The following PROM1 variants were observed in gnomAD, a reference collection of about 807,000 sequenced individuals.
PROM1 encodes prominin 1.
PROM1 carries 105 observed loss-of-function variants against 116.9 expected under a neutral mutation model. That is an observed-to-expected ratio of 0.90 (90% confidence interval 0.77 to 1.06). The LOEUF is 1.06. PROM1 is among the 50% of genes least tolerant of loss of function. The probability of loss-of-function intolerance (pLI) is 0.00; values close to 1 mark genes in which losing one functional copy is unlikely to be tolerated. For missense variants in PROM1, 1,122 were observed against 1,045.2 expected (o/e 1.07, Z -1.01); for synonymous variants, 393 against 387.0 (o/e 1.02, Z -0.18).
intron 23 of PROM1, among the ~76,000 whole-genome samples, chr4:15,982,957 C>T (rs1300077390): frequency 1.3e-5 from 2 of 152,184 alleles, no homozygotes; most frequent in Admixed American, 6.5e-5. Context: ...TAGGGATGAA[C>T]TGTGCCAGAG....
rs554711855 is a variant in PROM1 at position 15,982,754 on chromosome 4, T to C, written c.2373+1509A>G. ...GCTCTGGACTCCCCTAATGAAGGCT[T>C]CAGCCAAAGCTGGCGGCAGGGGCCA... On this transcript the variant is annotated intron_variant, in intron 23 of 27. Coordinates refer to ENST00000447510, the MANE Select transcript of PROM1 (RefSeq NM_006017.3). 9.7e-4 allele frequency among the ~76,000 whole-genome samples: 148 copies of C among 152,242 alleles called. 1 individual carries two copies. The highest frequency in any genetic ancestry group is 3.4e-3 in the African/African-American group (143 of 41,534).
intron 8 of PROM1, 60 bp from the exon 9 acceptor site, chr4:16,018,600 T>C: frequency 1.3e-6 from 2 of 1,482,662 alleles, no homozygotes; most frequent in South Asian, 2.4e-5. Context: ...TCTACAAAAG[T>C]GTGTCTAAAG....
At chr4:16,034,192 A>G (rs1482111742) in intron 4 of PROM1, among the ~76,000 whole-genome samples, 4 of 152,236 alleles carry the variant, frequency 2.6e-5, no homozygotes, top group Non-Finnish European at 5.9e-5. Flanking sequence ...TTAAAGATTC[A>G]AAGCACTTTG....
At chr4:15,988,586 A>C (rs13340235) in intron 19 of PROM1, among the ~76,000 whole-genome samples, 186 of 152,322 alleles carry the variant, frequency 1.2e-3, no homozygotes, top group African/African-American at 4.4e-3. Context: ...CAGGGTCCCT[A>C]GTTTGCCAAC....
chr4:16,075,621 A>C (rs1163467241), intron 2 of PROM1, 66 bp downstream of exon 2: 1 of 1,434,210 alleles, frequency 7.0e-7, no homozygotes, highest in East Asian at 2.5e-5. Context: ...TTGCATTGAC[A>C]TTAAAAAACA....
chr4:16,015,194 A>C (rs745333016), intron 10 of PROM1, among the ~76,000 whole-genome samples: 1 of 151,488 alleles, frequency 6.6e-6, no homozygotes, highest in Non-Finnish European at 1.5e-5. Flanking sequence ...AAAAATACAA[A>C]AATTAGCAGG....
rs189953160 is a variant in PROM1 at position 16,008,938 on chromosome 4, G to A, written c.1301+11C>T. 6.4e-7 allele frequency: 1 copy of A among 1,567,642 alleles called. No individual in the cohort carries two copies. Reference sequence around the variant, plus strand: ...ACTCTCGTAGTTCACCAGCTCCAAGGAGACACTCACCAGTATGAATCATAC... The same window carrying A: ...ACTCTCGTAGTTCACCAGCTCCAAGAAGACACTCACCAGTATGAATCATAC... On this transcript the variant is annotated intron_variant, in intron 12 of 27. Transcript: ENST00000447510.
At chr4:16,052,874 G>T (rs1260680486) in intron 2 of PROM1, among the ~76,000 whole-genome samples, 1 of 152,168 alleles carries the variant, frequency 6.6e-6, no homozygotes, top group Non-Finnish European at 1.5e-5. Context: ...GAAAAATCTG[G>T]AAGACACTAC....
At chr4:16,010,320 A>T (rs1055005376) in intron 11 of PROM1, among the ~76,000 whole-genome samples, 1 of 152,178 alleles carries the variant, frequency 6.6e-6, no homozygotes, top group Non-Finnish European at 1.5e-5. Context: ...TGACACGGAC[A>T]TACTAAGAAC....
At chr4:16,074,595 T>C (rs1031625812) in intron 2 of PROM1, among the ~76,000 whole-genome samples, 1 of 152,190 alleles carries the variant, frequency 6.6e-6, no homozygotes, top group Non-Finnish European at 1.5e-5. Context: ...CCAATAACCA[T>C]TCAAAGAGAT....
rs911801622 is a variant in PROM1, at chr4:16,008,823, A to G, written c.1301+126T>C. 9.2e-6 allele frequency: 8 copies of G among 870,912 alleles called. No homozygotes were observed. In the African/African-American group the frequency reaches 1.2e-4, roughly 13 times the overall value. The allele number at this position is 870,912 out of a possible 1,614,324, so 53.9% of individuals were successfully genotyped here. The stretch of plus-strand genomic sequence containing the variant: ...AATGAACATAAACTGGGGTTAACAT[A>G]TATCAGGTCATGGCCTCCTTGTACA... On this transcript the variant is annotated intron_variant, in intron 12 of 27. Transcript: ENST00000447510.
chr4:16,057,732 CTATTTA>C (rs754040704), intron 2 of PROM1, among the ~76,000 whole-genome samples: 3 of 152,066 alleles, frequency 2.0e-5, no homozygotes, highest in Non-Finnish European at 4.4e-5. Flanking sequence ...ATTTTTATTT[CTATTTA>C]TATCTACCTA....
At chr4:16,015,718 A>G (rs11722651) in intron 10 of PROM1, among the ~76,000 whole-genome samples, 78,440 of 151,702 alleles carry the variant, frequency 0.52, 23,079 homozygotes, top group Non-Finnish European at 0.68. Context: ...AAACAAAAAA[A>G]CAACTAAGTA....
Position 15,992,389 on chromosome 4 carries a change from A to G in PROM1, c.1770T>C (p.His590=), listed in dbSNP as rs1721286403. 1.2e-6 allele frequency: 2 copies of G among 1,611,930 alleles called. No individual in the cohort carries two copies. Among genetic ancestry groups the G allele is most frequent in the Non-Finnish European group, 8.5e-7 (1 of 1,178,830 alleles). Residue 590 remains histidine, a splice_region_variant and synonymous_variant, in exon 17 of 28, where the codon CAT becomes CAC. Transcript: ENST00000447510. The stretch of plus-strand genomic sequence containing the variant: ...CCAATTCACTGCTTATGCTTCCAGT[A>G]TGCTGCGAAAAAAGGAAGTTACAAA... ...NISEHLNINE[H]TGSISSELES...
At position 16,013,262 on chromosome 4, in the gene PROM1, CTG is replaced by C. The variant is rs775941560; in HGVS notation, c.1141+11_1141+12del. The C allele has an allele frequency of 1.9e-5, 30 of 1,592,638 alleles. No individual in the cohort carries two copies. In the Admixed American group the frequency reaches 4.5e-4, roughly 24 times the overall value. ...CTACCAATCACAAAATCACCTCAAA[CTG>C]TGAATCTCACCTGCTACGACAGTCG... On this transcript the variant is annotated intron_variant, in intron 11 of 27. Transcript: ENST00000447510.
At chr4:15,994,216 C>G in intron 15 of PROM1, 145 bp from the exon 16 acceptor site, 2 of 1,470,084 alleles carry the variant, frequency 1.4e-6, no homozygotes, top group Non-Finnish European at 1.8e-6. Context: ...CCAGTGGCCA[C>G]ACAAATCCCC....
intron 25 of PROM1, 145 bp downstream of exon 25, chr4:15,979,736 C>T (rs1349380244): frequency 1.1e-6 from 1 of 893,864 alleles, no homozygotes; most frequent in African/African-American, 1.7e-5. Context: ...CTTTTTAAGA[C>T]CATTGCAATT....
chr4:16,065,017 T>A (rs1197692305), intron 2 of PROM1, among the ~76,000 whole-genome samples: 3 of 152,228 alleles, frequency 2.0e-5, no homozygotes, highest in African/African-American at 7.2e-5. Flanking sequence ...ACACTTTGCA[T>A]AGGACTGAGC....
intron 2 of PROM1, among the ~76,000 whole-genome samples, chr4:16,063,477 T>C (rs1371167286): frequency 3.9e-5 from 6 of 152,066 alleles, no homozygotes; most frequent in Non-Finnish European, 5.9e-5. Flanking sequence ...ATGCCTGTAG[T>C]CCCAGCTACT....
Sources: gnomAD v4.1 joint callset for allele counts (sites outside exome capture counted in the v4.1 genomes callset) on GRCh38, gnomAD v4.1.1 for gene constraint, MANE v1.5 for transcripts, NCBI Gene and HGNC (gene_info 2026-07-23, HGNC 2026-07-21) for gene names.